The following VPS13B variants were observed in gnomAD, a reference collection of about 807,000 sequenced individuals.
VPS13B encodes vacuolar protein sorting 13 homolog B, also known as intermembrane lipid transfer protein VPS13B.
A neutral mutation model predicts 426.4 loss-of-function variants in VPS13B; 285 were observed. The ratio of observed to expected loss-of-function variants is 0.67; its 90% CI spans 0.61 to 0.74. The LOEUF is 0.74. Among genes scored for constraint, VPS13B ranks in the 30% least tolerant of loss-of-function variants. The probability of loss-of-function intolerance (pLI) is 0.00; values close to 1 mark genes in which losing one functional copy is unlikely to be tolerated. For missense variants in VPS13B, 4,537 were observed against 4,782.6 expected (o/e 0.95, Z 1.51); for synonymous variants, 1,676 against 1,676.4 (o/e 1.00, Z 0.01).
chr8:99,152,667 G>A (rs934922349), intron 14 of VPS13B, among the ~76,000 whole-genome samples: 1 of 152,096 alleles, frequency 6.6e-6, no homozygotes, highest in African/African-American at 2.4e-5. Context: ...TTTTGGCACT[G>A]TGTCTTTAGG....
At position 99,156,755 on chromosome 8, in the gene VPS13B, G is replaced by T; in HGVS notation, c.2208+12G>T. On this transcript the variant is annotated intron_variant, in intron 15 of 61. Coordinates refer to ENST00000357162, the MANE Select transcript of VPS13B (RefSeq NM_152564.5). ...ACTGCTATCTTAAGGTATGAAAAGT[G>T]AATTTTCTTGTTTGTTAGCATGGGT... 1 of 1,613,590 alleles carries T rather than the reference G, an allele frequency of 6.2e-7. No homozygotes were observed. Among genetic ancestry groups the T allele is most frequent in the South Asian group, 1.1e-5 (1 of 91,006 alleles).
At chr8:99,143,305 A>G (rs1810533339) in intron 13 of VPS13B, 140 bp downstream of exon 13, 1 of 1,025,318 alleles carries the variant, frequency 9.8e-7, no homozygotes, top group Admixed American at 2.1e-5. Context: ...GTAGCTGTTT[A>G]TTTAAAGAAT....
At chr8:99,827,537 C>T (rs372294846) in intron 51 of VPS13B, among the ~76,000 whole-genome samples, 210 of 133,610 alleles carry the variant, frequency 1.6e-3, no homozygotes, top group African/African-American at 5.4e-3. Flanking sequence ...CTCCTGGTTT[C>T]GTTGATTTTT....
chr8:99,255,395 T>C (rs927540935), intron 17 of VPS13B, among the ~76,000 whole-genome samples: 2 of 152,238 alleles, frequency 1.3e-5, no homozygotes, highest in African/African-American at 4.8e-5. Context: ...ATTATCTTTT[T>C]TCATTCAGTT....
intron 51 of VPS13B, among the ~76,000 whole-genome samples, chr8:99,829,578 C>T (rs1489321510): frequency 6.6e-6 from 1 of 152,186 alleles, no homozygotes; most frequent in Non-Finnish European, 1.5e-5. Context: ...TATTACCCAC[C>T]TTCTGAATCT....
At chr8:99,794,352 T>C (rs1479511406) in intron 43 of VPS13B, among the ~76,000 whole-genome samples, 1 of 152,292 alleles carries the variant, frequency 6.6e-6, no homozygotes, top group East Asian at 1.9e-4. Flanking sequence ...TGCAGAACAA[T>C]GTACAATGGT....
In VPS13B at chr8:99,534,299, T is replaced by G. The variant is rs542456583; in HGVS notation, c.4745+13289T>G. 3.9e-5 allele frequency among the ~76,000 whole-genome samples: 6 copies of G among 152,314 alleles called. No individual in the cohort carries two copies. The East Asian group carries it at 1.2e-3, about 29-fold the overall frequency. ...TTTCTATTTACTGCCAAAAGCTACC[T>G]CAACAACAGTGTTGAAAATGACGAT... is the stretch of plus-strand genomic sequence containing the variant. On this transcript the variant is annotated intron_variant, in intron 30 of 61. Coordinates refer to ENST00000357162, the MANE Select transcript of VPS13B (RefSeq NM_152564.5).
chr8:99,683,729 C>T (rs1457694642), intron 35 of VPS13B, among the ~76,000 whole-genome samples: 1 of 152,180 alleles, frequency 6.6e-6, no homozygotes, highest in East Asian at 1.9e-4. Flanking sequence ...TTGCCAAACT[C>T]ACTTATTAAT....
intron 17 of VPS13B, among the ~76,000 whole-genome samples, chr8:99,217,992 T>C (rs1004650972): frequency 1.3e-5 from 2 of 152,168 alleles, no homozygotes; most frequent in Non-Finnish European, 2.9e-5. Context: ...TGGACCACAA[T>C]TAAATTAGAA....
chr8:99,492,306 C>T (rs1820647127), intron 25 of VPS13B, among the ~76,000 whole-genome samples: 2 of 152,220 alleles, frequency 1.3e-5, no homozygotes, highest in South Asian at 4.1e-4. Context: ...GTCTCTTGGT[C>T]AGGCTACACG....
At chr8:99,813,159 T>C (rs1563486481) in intron 44 of VPS13B, among the ~76,000 whole-genome samples, 1 of 152,162 alleles carries the variant, frequency 6.6e-6, no homozygotes, top group Non-Finnish European at 1.5e-5. Context: ...GAGTGACCAT[T>C]TTTGGATTTT....
rs575539546 is a variant in VPS13B, at chr8:99,332,178, G to C, written c.2825-52030G>C. On this transcript the variant is annotated intron_variant, in intron 19 of 61. Coordinates refer to ENST00000357162, the MANE Select transcript of VPS13B (RefSeq NM_152564.5). ...TGTTCTGACATCCAAAACTATATTA[G>C]GTGAACTCAGTGTAAAGACTCATTG... Among the ~76,000 whole-genome samples the C allele has an allele frequency of 9.9e-5, 15 of 151,680 alleles. No individual in the cohort carries two copies. In the South Asian group the frequency reaches 1.5e-3, roughly 15 times the overall value.
chr8:99,532,212 C>A (rs541439351), intron 30 of VPS13B, among the ~76,000 whole-genome samples: 1 of 152,028 alleles, frequency 6.6e-6, no homozygotes, highest in Non-Finnish European at 1.5e-5. Flanking sequence ...TTTTAAACAT[C>A]GTCAATTGTG....
At chr8:99,510,975 G>T in intron 28 of VPS13B, 129 bp from the exon 29 acceptor site, 1 of 966,732 alleles carries the variant, frequency 1.0e-6, no homozygotes, top group Non-Finnish European at 1.6e-6. Flanking sequence ...GATCAGTCAT[G>T]TGTTTATTAA....
At chr8:99,736,954 T>C (rs1023469299) in intron 39 of VPS13B, among the ~76,000 whole-genome samples, 7 of 151,962 alleles carry the variant, frequency 4.6e-5, no homozygotes, top group African/African-American at 7.3e-5. Flanking sequence ...GGGCATTCCA[T>C]TGGTAAATAG....
intron 43 of VPS13B, among the ~76,000 whole-genome samples, chr8:99,805,674 G>A (rs770752582): frequency 1.3e-5 from 2 of 152,184 alleles, no homozygotes; most frequent in Non-Finnish European, 2.9e-5. Flanking sequence ...GGCTGCCAGC[G>A]CAGCTCTGGG....
intron 49 of VPS13B, among the ~76,000 whole-genome samples, chr8:99,820,862 G>C (rs1172334301): frequency 1.3e-5 from 2 of 151,556 alleles, no homozygotes; most frequent in Non-Finnish European, 2.9e-5. Context: ...TCTTTTTTCT[G>C]TAAAATAATC....
At chr8:99,536,559 A>G (rs1185659674) in intron 30 of VPS13B, 3 of 488,714 alleles carry the variant, frequency 6.1e-6, no homozygotes, top group East Asian at 5.6e-5. Flanking sequence ...CATTTGTACA[A>G]CATAGAGTGC....
intron 27 of VPS13B, among the ~76,000 whole-genome samples, chr8:99,504,694 C>T (rs908891695): frequency 3.9e-5 from 6 of 152,086 alleles, no homozygotes; most frequent in Non-Finnish European, 8.8e-5. Flanking sequence ...GTATAGAGCA[C>T]AGGAGAAGAG....
Sources: gnomAD v4.1 joint callset for allele counts (sites outside exome capture counted in the v4.1 genomes callset) on GRCh38, gnomAD v4.1.1 for gene constraint, MANE v1.5 for transcripts, NCBI Gene and HGNC (gene_info 2026-07-23, HGNC 2026-07-21) for gene names.